GRP: variants seen among roughly 807,000 people sequenced by gnomAD.
GRP encodes gastrin-releasing peptide.
In GRP, 11 loss-of-function variants were observed where a neutral mutation model predicts 12.7. The observed-to-expected ratio is 0.87, with a 90% confidence interval of 0.55 to 1.44. The LOEUF (loss-of-function observed/expected upper bound fraction) is 1.44, where lower values mean the gene tolerates loss of function less well. Ranked by LOEUF, GRP falls within the 40% of genes most tolerant of loss-of-function variation. GRP has a pLI of 0.00. For synonymous variants in GRP, 84 were observed against 77.7 expected (o/e 1.08, Z -0.43); for missense variants, 212 against 185.4 (o/e 1.14, Z -0.83).
intron 1 of GRP, among the ~76,000 whole-genome samples, chr18:59,224,640 T>C (rs951348261): frequency 6.6e-6 from 1 of 152,216 alleles, no homozygotes; most frequent in East Asian, 1.9e-4. Context: ...AATGCAGACC[T>C]TGAATTCTGT....
At chr18:59,227,042 TTTC>T (rs1361533435) in intron 2 of GRP, among the ~76,000 whole-genome samples, 1 of 138,848 alleles carries the variant, frequency 7.2e-6, no homozygotes, top group African/African-American at 2.9e-5. Flanking sequence ...TCTTTCTTTC[TTTC>T]TTTCTTTCTT....
At chr18:59,219,395 G>C (rs1465671636), upstream of GRP, among the ~76,000 whole-genome samples, 2 of 144,760 alleles carry the variant, frequency 1.4e-5, no homozygotes, top group Admixed American at 6.9e-5. Context: ...GGGGGAGAGA[G>C]AGACAGAGAG....
chr18:59,226,986 TTTCTTCC>T (rs1339342301), intron 2 of GRP, among the ~76,000 whole-genome samples: 5 of 139,862 alleles, frequency 3.6e-5, no homozygotes, highest in African/African-American at 1.4e-4. Context: ...TGTGGTTTCT[TTTCTTCC>T]TTTCTTTCTT....
At chr18:59,220,119 C>A (rs780185324), upstream of GRP, 8 of 390,826 alleles carry the variant, frequency 2.0e-5, no homozygotes, top group African/African-American at 8.6e-5. Flanking sequence ...CCCCCCCGCC[C>A]GGGCTTCCAT....
intron 2 of GRP, among the ~76,000 whole-genome samples, chr18:59,228,100 C>T (rs1373475666): frequency 1.3e-5 from 2 of 152,230 alleles, no homozygotes; most frequent in Admixed American, 1.3e-4. Context: ...TTATCGCACA[C>T]ATTGGTACTA....
intron 2 of GRP, among the ~76,000 whole-genome samples, chr18:59,229,676 T>G (rs967886187): frequency 2.0e-5 from 3 of 152,184 alleles, no homozygotes; most frequent in Non-Finnish European, 2.9e-5. Context: ...AGTAATAAGC[T>G]CTTAGTCTCA....
chr18:59,225,754 A>T lies in GRP; in HGVS notation c.382+20A>T. 1.9e-6 allele frequency: 3 copies of T among 1,611,420 alleles called. No homozygotes were observed. The highest frequency in any genetic ancestry group is 2.5e-6 in the Non-Finnish European group (3 of 1,178,302). On this transcript the variant is annotated intron_variant, in intron 2 of 2. Coordinates refer to ENST00000256857, the MANE Select transcript of GRP (RefSeq NM_002091.5). Reference sequence around the variant, plus strand: ...GCAAAGGTAAAAGAAACATACATGCAAGATGGGGTGGGAGGTATCTGGGGA... The same window carrying T: ...GCAAAGGTAAAAGAAACATACATGCTAGATGGGGTGGGAGGTATCTGGGGA...
chr18:59,225,936 CA>C (rs1440082507), intron 2 of GRP, among the ~76,000 whole-genome samples: 1 of 152,078 alleles, frequency 6.6e-6, no homozygotes, highest in East Asian at 1.9e-4. Context: ...ATATTGATTC[CA>C]AACTCCAATT....
chr18:59,227,053 CTTCCTTTCTTTCT>C lies in GRP; in HGVS notation c.382+1322_382+1334del, dbSNP rs1250155486. 2.0e-3 allele frequency among the ~76,000 whole-genome samples: 210 copies of C among 104,932 alleles called. 2 individuals are homozygous for C. The highest frequency in any genetic ancestry group is 6.1e-3 in the African/African-American group (159 of 26,010). 68.8% of individuals were successfully genotyped at this position (104,932 alleles called of 152,430 possible). The stretch of plus-strand genomic sequence containing the variant: ...TCTTTCTTTCTTTCTTTCTTTCTTT[CTTCCTTTCTTTCT>C]TTTCTTTCCTTTCTCTCTTGCTCTC... On this transcript the variant is annotated intron_variant, in intron 2 of 2. Transcript: ENST00000256857.
rs1156986266 is a variant in GRP at position 59,230,624 on chromosome 18, C to T, written c.*156C>T. On this transcript the variant is annotated 3_prime_UTR_variant, in exon 3 of 3. Coordinates refer to ENST00000256857, the MANE Select transcript of GRP (RefSeq NM_002091.5). The stretch of plus-strand genomic sequence containing the variant: ...GACTAAATTCGTGATTTTCAAGCAG[C>T]ATCTTCTGGTTTAAACTTGTTTGCT... The T allele has an allele frequency of 1.0e-5, 6 of 602,120 alleles. No homozygotes were observed. Among genetic ancestry groups the T allele is most frequent in the Non-Finnish European group, 1.8e-5 (6 of 333,664 alleles). The allele number at this position is 602,120 out of a possible 1,614,324, so 37.3% of individuals were successfully genotyped here.
chr18:59,230,627 C>T lies in GRP; in HGVS notation c.*159C>T. The T allele has an allele frequency of 1.7e-6, 1 of 600,396 alleles. No individual in the cohort carries two copies. Among genetic ancestry groups the T allele is most frequent in the Non-Finnish European group, 3.0e-6 (1 of 333,016 alleles). 37.2% of individuals were successfully genotyped at this position (600,396 alleles called of 1,614,324 possible). A position where few individuals can be genotyped will look rare whatever the true frequency, so the allele number is the denominator to read the frequency against. The stretch of plus-strand genomic sequence containing the variant: ...TAAATTCGTGATTTTCAAGCAGCAT[C>T]TTCTGGTTTAAACTTGTTTGCTGTG... On this transcript the variant is annotated 3_prime_UTR_variant, in exon 3 of 3. Coordinates refer to ENST00000256857, the MANE Select transcript of GRP (RefSeq NM_002091.5).
rs1200140681 is a variant in GRP, at chr18:59,225,526, T to G, written c.174T>G (p.Ser58=). 3.1e-6 allele frequency: 5 copies of G among 1,613,428 alleles called. No homozygotes were observed. The highest frequency in any genetic ancestry group is 3.4e-6 in the Non-Finnish European group (4 of 1,179,572). The change falls in exon 2 of 3, where the codon TCT becomes TCG. Residue 58 remains serine, a synonymous_variant. Coordinates refer to ENST00000256857, the MANE Select transcript of GRP (RefSeq NM_002091.5). The stretch of plus-strand genomic sequence containing the variant: ...TGGGGAAAAAGAGCACAGGGGAGTC[T>G]TCTTCTGTTTCTGAGAGAGGGAGCC... ...HLMGKKSTGE[S]SSVSERGSLK...
chr18:59,220,912 G>T (rs1052540894), intron 1 of GRP, among the ~76,000 whole-genome samples: 1 of 152,238 alleles, frequency 6.6e-6, no homozygotes, highest in African/African-American at 2.4e-5. Context: ...CAGGTGTGGG[G>T]ACCTAGGGTG....
At chr18:59,224,648 T>A (rs2069886712) in intron 1 of GRP, among the ~76,000 whole-genome samples, 1 of 152,372 alleles carries the variant, frequency 6.6e-6, no homozygotes, top group East Asian at 1.9e-4. Context: ...CCTTGAATTC[T>A]GTACCCACTT....
In GRP at chr18:59,220,331, A is replaced by C; in HGVS notation, c.66A>C (p.Arg22=). The C allele has an allele frequency of 6.7e-7, 1 of 1,496,906 alleles. No individual in the cohort carries two copies. Among genetic ancestry groups the C allele is most frequent in the Non-Finnish European group, 8.9e-7 (1 of 1,126,836 alleles). The allele number at this position is 1,496,906 out of a possible 1,614,324, so 92.7% of individuals were successfully genotyped here. A position where few individuals can be genotyped will look rare whatever the true frequency, so the allele number is the denominator to read the frequency against. ...ALVLCLAPRG[R]AVPLPAGGGT... is the part of the protein sequence containing the mutation. ...TCCTCTGCCTGGCGCCCCGGGGGCG[A>C]GCGGTCCCGCTGCCTGCGGGCGGAG... Residue 22 remains arginine, a synonymous_variant, in exon 1 of 3, where the codon CGA becomes CGC. Coordinates refer to ENST00000256857, the MANE Select transcript of GRP (RefSeq NM_002091.5).
At chr18:59,227,024 T>TCTTTCTTTCTTTCTTTCTTTCTTTCTTC (rs2069945121) in intron 2 of GRP, among the ~76,000 whole-genome samples, 6 of 145,184 alleles carry the variant, frequency 4.1e-5, no homozygotes, top group Non-Finnish European at 6.0e-5. Context: ...TTTCTTTCTT[T>TCTTTCTTTCTTTCTTTCTTTCTTTCTTC]CTTTCTTTCT....
In GRP at chr18:59,230,518, G is replaced by A. The variant is rs568286707; in HGVS notation, c.*50G>A. The A allele has an allele frequency of 2.1e-5, 20 of 959,212 alleles. No individual in the cohort carries two copies. Among genetic ancestry groups the A allele is most frequent in the South Asian group, 1.4e-4 (11 of 77,858 alleles). 59.4% of individuals were successfully genotyped at this position (959,212 alleles called of 1,614,324 possible). On this transcript the variant is annotated 3_prime_UTR_variant, in exon 3 of 3. Transcript: ENST00000256857. ...AAAAACAAAACCCCTAAGAGACTGC[G>A]TTCTGCAAGCATCAGTTCTACGGAT...
rs1186618934 is a variant in GRP, at chr18:59,225,673, G to T, written c.321G>T (p.Gln107His). ...QPPQPKALGNQQPSWDSEDSS... is the reference protein window; with the variant it reads ...QPPQPKALGNHQPSWDSEDSS... ...CTCAACCCAAGGCCCTGGGCAATCAGCAGCCTTCGTGGGATTCAGAGGATA... is the reference window on the plus strand; with the variant it reads ...CTCAACCCAAGGCCCTGGGCAATCATCAGCCTTCGTGGGATTCAGAGGATA... Residue 107 changes from glutamine (Q) to histidine (H), a missense_variant, in exon 2 of 3, where the codon CAG becomes CAT. Physicochemically the swap from Gln to His is conservative, Grantham distance 24. Coordinates refer to ENST00000256857, the MANE Select transcript of GRP (RefSeq NM_002091.5). 1.9e-6 allele frequency: 3 copies of T among 1,613,828 alleles called. No homozygotes were observed. The highest frequency in any genetic ancestry group is 1.1e-5 in the South Asian group (1 of 91,086).
In GRP at chr18:59,230,445, A is replaced by G; in HGVS notation, c.424A>G (p.Asn142Asp). The change falls in exon 3 of 3, where the codon AAC becomes GAC. Residue 142 changes from asparagine to aspartate, a missense_variant. Coordinates refer to ENST00000256857, the MANE Select transcript of GRP (RefSeq NM_002091.5). ...TCCAGGTTCTCAACGTGAAGGAAGGAACCCCCAGCTGAACCAGCAATGATA... is the reference window on the plus strand; with the variant it reads ...TCCAGGTTCTCAACGTGAAGGAAGGGACCCCCAGCTGAACCAGCAATGATA... ...SAPGSQREGR[N>D]PQLNQQ 1 of 1,592,390 alleles carries G rather than the reference A, an allele frequency of 6.3e-7. No individual in the cohort carries two copies. Among genetic ancestry groups the G allele is most frequent in the South Asian group, 1.1e-5 (1 of 90,702 alleles).
Sources: gnomAD v4.1 joint callset for allele counts (sites outside exome capture counted in the v4.1 genomes callset) on GRCh38, gnomAD v4.1.1 for gene constraint, MANE v1.5 for transcripts, NCBI Gene and HGNC (gene_info 2026-07-23, HGNC 2026-07-21) for gene names.